Variants in CDC27 observed in about 807,000 individuals in gnomAD.
CDC27 encodes cell division cycle protein 27 homolog.
In CDC27, 27 loss-of-function variants were observed where a neutral mutation model predicts 109.7. The ratio of observed to expected loss-of-function variants is 0.25; its 90% confidence interval spans 0.18 to 0.34. CDC27 has a LOEUF of 0.34. CDC27 is among the 10% of genes least tolerant of loss of function. CDC27 has a pLI of 1.00. For synonymous variants in CDC27, 266 were observed against 333.9 expected, an observed-to-expected ratio of 0.80 and a Z score of 2.22; for missense variants, 579 against 960.2, an observed-to-expected ratio of 0.60 and a Z score of 5.25.
chr17:47,131,123 C>T (rs1371520903), intron 15 of CDC27, among the ~76,000 whole-genome samples: 2 of 152,010 alleles, frequency 1.3e-5, no homozygotes, highest in Non-Finnish European at 2.9e-5. Flanking sequence ...TCAAATAAAC[C>T]ACTCAAAAAT....
At chr17:47,149,087 A>G (rs2063068430) in intron 9 of CDC27, among the ~76,000 whole-genome samples, 1 of 151,642 alleles carries the variant, frequency 6.6e-6, no homozygotes, top group Non-Finnish European at 1.5e-5. Flanking sequence ...CAAAAAAAAA[A>G]AAAAAAAAAG....
intron 2 of CDC27, among the ~76,000 whole-genome samples, chr17:47,177,169 C>A (rs905939726): frequency 2.0e-5 from 3 of 152,152 alleles, no homozygotes; most frequent in African/African-American, 7.2e-5. Context: ...CGCAGCAGCA[C>A]ATGCCTGTAT....
intron 14 of CDC27, among the ~76,000 whole-genome samples, chr17:47,136,535 G>GT (rs1356802723): frequency 6.6e-6 from 1 of 152,120 alleles, no homozygotes; most frequent in Non-Finnish European, 1.5e-5. Flanking sequence ...AATGTCAACA[G>GT]TAAGTATGGT....
At chr17:47,174,777 G>A (rs2063929653) in intron 2 of CDC27, among the ~76,000 whole-genome samples, 1 of 152,120 alleles carries the variant, frequency 6.6e-6, no homozygotes, top group African/African-American at 2.4e-5. Context: ...CCAACATGGT[G>A]AAACCCCATC....
intron 9 of CDC27, among the ~76,000 whole-genome samples, chr17:47,149,316 T>C (rs1350577820): frequency 1.3e-5 from 2 of 150,794 alleles, no homozygotes; most frequent in Non-Finnish European, 3.0e-5. Flanking sequence ...ATCGGGACCA[T>C]CCTGGCCAAC....
rs11570519 is a variant in CDC27, at chr17:47,143,319, C to T, written c.1170+564G>A. Among the ~76,000 whole-genome samples, 291 of 152,268 alleles carry T rather than the reference C, an allele frequency of 1.9e-3. 1 individual carries two copies. The highest frequency in any genetic ancestry group is 3.6e-3 in the Non-Finnish European group (246 of 68,014). ...AAATAATTTTAGACTCACTCTTCTG[C>T]AAATGATAACATGTGACATAACCAT... On this transcript the variant is annotated intron_variant, in intron 10 of 18. Transcript: ENST00000066544.
chr17:47,146,601 A>T (rs2062965667), intron 9 of CDC27, among the ~76,000 whole-genome samples: 2 of 152,222 alleles, frequency 1.3e-5, no homozygotes, highest in South Asian at 4.1e-4. Context: ...CTCAAAGGGT[A>T]CTTCCTCAAT....
At chr17:47,167,396 T>A (rs1029519537) in intron 4 of CDC27, among the ~76,000 whole-genome samples, 1 of 152,216 alleles carries the variant, frequency 6.6e-6, no homozygotes, top group African/African-American at 2.4e-5. Flanking sequence ...TGTTTGTACA[T>A]CACTCCTCTC....
chr17:47,137,963 G>C (rs774294649), intron 13 of CDC27, among the ~76,000 whole-genome samples: 1 of 151,984 alleles, frequency 6.6e-6, no homozygotes, highest in Non-Finnish European at 1.5e-5. Context: ...ACCATACCTG[G>C]CTAATTTTTG....
chr17:47,155,272 G>T (rs1393133794), intron 7 of CDC27, among the ~76,000 whole-genome samples: 4 of 152,096 alleles, frequency 2.6e-5, no homozygotes, highest in Non-Finnish European at 4.4e-5. Flanking sequence ...TTGAGACAGA[G>T]TCTCGCTCTG....
intron 4 of CDC27, among the ~76,000 whole-genome samples, chr17:47,168,149 C>T (rs1018845500): frequency 5.3e-5 from 8 of 152,172 alleles, no homozygotes; most frequent in African/African-American, 1.9e-4. Flanking sequence ...ATAGGCATTA[C>T]TGATTAAACC....
intron 2 of CDC27, 39 bp from the exon 3 acceptor site, chr17:47,172,103 A>G: frequency 1.5e-6 from 2 of 1,355,858 alleles, no homozygotes; most frequent in Middle Eastern, 2.0e-4. Flanking sequence ...ATTGTTCAGT[A>G]TATTGAATGA....
intron 14 of CDC27, among the ~76,000 whole-genome samples, chr17:47,132,659 G>A (rs1033085109): frequency 4.7e-5 from 7 of 150,206 alleles, no homozygotes; most frequent in African/African-American, 1.5e-4. Flanking sequence ...TTGAACTTCC[G>A]GGTTCAAAGA....
intron 17 of CDC27, among the ~76,000 whole-genome samples, chr17:47,123,402 C>CTTTTT (rs57868315): frequency 1.6e-5 from 2 of 123,000 alleles, no homozygotes; most frequent in African/African-American, 3.0e-5. Context: ...TTTTTTTCTA[C>CTTTTT]TTTTTTTTTT....
chr17:47,144,631 C>A (rs2062898543), intron 9 of CDC27, among the ~76,000 whole-genome samples: 2 of 152,036 alleles, frequency 1.3e-5, no homozygotes, highest in African/African-American at 2.4e-5. Context: ...AAAGGCAAAC[C>A]CTGAGATATG....
chr17:47,165,456 TA>T (rs1598543095), intron 4 of CDC27, among the ~76,000 whole-genome samples: 1 of 152,252 alleles, frequency 6.6e-6, no homozygotes, highest in Non-Finnish European at 1.5e-5. Flanking sequence ...CCTGCTTATT[TA>T]CCATCCATAT....
intron 16 of CDC27, among the ~76,000 whole-genome samples, chr17:47,126,566 T>G (rs1452294018): frequency 6.6e-5 from 10 of 152,276 alleles, no homozygotes. Flanking sequence ...TCCAGACAAC[T>G]GATGAGATTA....
rs559646494 is a variant in CDC27 at position 47,129,953 on chromosome 17, GT to G, written c.2032-433del. ...CCAGATAATATTCACATTTCATCAG[GT>G]TTATGCGGTCTTTCAAATATTAGAC... is the stretch of plus-strand genomic sequence containing the variant. On this transcript the variant is annotated intron_variant, in intron 15 of 18. Transcript: ENST00000066544. 7.3e-5 allele frequency among the ~76,000 whole-genome samples: 11 copies of G among 151,486 alleles called. No individual in the cohort carries two copies. The South Asian group carries it at 2.3e-3, about 32-fold the overall frequency.
chr17:47,179,481 G>A (rs1458116815), intron 2 of CDC27, among the ~76,000 whole-genome samples: 1 of 152,166 alleles, frequency 6.6e-6, no homozygotes, highest in African/African-American at 2.4e-5. Flanking sequence ...ACTAGTTACC[G>A]CCTGTGGACA....
Sources: allele counts gnomAD v4.1 joint callset (sites outside exome capture counted in the v4.1 genomes callset), GRCh38; gene constraint gnomAD v4.1.1; transcripts MANE v1.5; gene names NCBI Gene and HGNC (gene_info 2026-07-23, HGNC 2026-07-21).